TP63: variants seen among roughly 807,000 people sequenced by gnomAD.
TP63 encodes the protein tumor protein 63.
A neutral mutation model predicts 82.8 loss-of-function variants in TP63; 17 were observed. The ratio of observed to expected loss-of-function variants is 0.21; its 90% confidence interval spans 0.14 to 0.31. TP63 has a LOEUF of 0.31. Ranked by LOEUF, TP63 falls within the 10% of genes least tolerant of loss-of-function variation. The pLI is 1.00. For synonymous variants in TP63, 330 were observed against 321.7 expected, an observed-to-expected ratio of 1.03 and a Z score of -0.28; for missense variants, 648 against 895.3, an observed-to-expected ratio of 0.72 and a Z score of 3.52.
At chr3:189,644,259 C>G (rs571349826) in intron 1 of TP63, among the ~76,000 whole-genome samples, 35 of 150,820 alleles carry the variant, frequency 2.3e-4, no homozygotes, top group African/African-American at 7.8e-4. Flanking sequence ...TCTCATACCC[C>G]CAGCTTGCAC....
chr3:189,857,880 G>A (rs1485759570), intron 4 of TP63, among the ~76,000 whole-genome samples: 1 of 152,188 alleles, frequency 6.6e-6, no homozygotes, highest in Non-Finnish European at 1.5e-5. Context: ...CATACTTTCA[G>A]TGGGAATGTA....
At chr3:189,663,527 T>TTC (rs1486091334) in intron 1 of TP63, among the ~76,000 whole-genome samples, 1 of 133,268 alleles carries the variant, frequency 7.5e-6, no homozygotes, top group African/African-American at 2.8e-5. Context: ...CATTCTTTTT[T>TTC]TTTTTTTTTT....
Position 189,681,704 on chromosome 3 carries a change from C to T in TP63, c.62+50127C>T, listed in dbSNP as rs557823199. Among the ~76,000 whole-genome samples, 3 of 152,108 alleles carry T rather than the reference C, an allele frequency of 2.0e-5. No homozygotes were observed. In the South Asian group the frequency reaches 6.2e-4, roughly 32 times the overall value. On this transcript the variant is annotated intron_variant, in intron 1 of 13. Coordinates refer to ENST00000264731, the MANE Select transcript of TP63 (RefSeq NM_003722.5). ...TTCCTCCTCCTCCTTTTTTTCTACT[C>T]TCTCGCTGACTGCCTCTAAAAGTAA...
At chr3:189,660,434 G>C (rs1713772524) in intron 1 of TP63, among the ~76,000 whole-genome samples, 1 of 151,974 alleles carries the variant, frequency 6.6e-6, no homozygotes, top group Non-Finnish European at 1.5e-5. Context: ...GTACCATGCT[G>C]TTTTTGTTAC....
At chr3:189,706,803 G>A (rs76130555) in intron 1 of TP63, among the ~76,000 whole-genome samples, 3 of 152,284 alleles carry the variant, frequency 2.0e-5, no homozygotes, top group Admixed American at 6.5e-5. Flanking sequence ...TCACAGAGAC[G>A]ACTTGTAACA....
chr3:189,891,332 G>T (rs538294210), intron 13 of TP63, among the ~76,000 whole-genome samples: 3 of 152,294 alleles, frequency 2.0e-5, no homozygotes, highest in African/African-American at 7.2e-5. Flanking sequence ...ACAAAACTAG[G>T]AATAGAACAC....
intron 3 of TP63, among the ~76,000 whole-genome samples, chr3:189,780,886 C>T (rs776066607): frequency 1.4e-4 from 21 of 152,110 alleles, no homozygotes; most frequent in Non-Finnish European, 2.2e-4. Flanking sequence ...GTGTGTTTTC[C>T]GGATCATGTT....
In TP63 at chr3:189,895,792, T is replaced by C. The variant is rs1721422584; in HGVS notation, c.*1290T>C. 1 of 226,576 alleles carries C rather than the reference T, an allele frequency of 4.4e-6. No homozygotes were observed. The highest frequency in any genetic ancestry group is 8.8e-6 in the Non-Finnish European group (1 of 114,082). The allele number at this position is 226,576 out of a possible 1,614,324, so 14.0% of individuals were successfully genotyped here. ...ACCTTTCTCTCTCTAAGGTTTACAA[T>C]AGGAGTGGTGATTTGAAAAATATAA... On this transcript the variant is annotated 3_prime_UTR_variant, in exon 14 of 14. Transcript: ENST00000264731.
intron 1 of TP63, among the ~76,000 whole-genome samples, chr3:189,724,062 A>G (rs1719593891): frequency 7.0e-6 from 1 of 142,514 alleles, no homozygotes; most frequent in African/African-American, 2.6e-5. Context: ...TCCACTCCTC[A>G]CAGAGGTCAT....
chr3:189,622,736 C>T, the TP63 span, among the ~76,000 whole-genome samples: 8 of 152,280 alleles, frequency 5.3e-5, no homozygotes, highest in Non-Finnish European at 5.9e-5. Flanking sequence ...CAGGCCACAG[C>T]GGCTGATGGT....
At chr3:189,875,113 C>T (rs1357854064) in intron 10 of TP63, among the ~76,000 whole-genome samples, 1 of 151,398 alleles carries the variant, frequency 6.6e-6, no homozygotes, top group African/African-American at 2.4e-5. Flanking sequence ...TTTGCAACTA[C>T]TCAGCTCTGT....
intron 4 of TP63, among the ~76,000 whole-genome samples, chr3:189,824,217 T>C (rs1460981445): frequency 2.0e-5 from 3 of 151,732 alleles, no homozygotes. Context: ...ATTTTATTAT[T>C]ATTATTATTT....
intron 4 of TP63, among the ~76,000 whole-genome samples, chr3:189,845,539 T>C (rs1403120184): frequency 6.6e-6 from 1 of 152,116 alleles, no homozygotes; most frequent in Non-Finnish European, 1.5e-5. Flanking sequence ...TATTTTTCTC[T>C]CTTTTTTAAA....
chr3:189,747,848 G>C (rs1029392110), intron 3 of TP63, among the ~76,000 whole-genome samples: 2 of 98,524 alleles, frequency 2.0e-5, no homozygotes, highest in African/African-American at 8.1e-5. Flanking sequence ...GACTAACCCA[G>C]ATAAAAATAG....
chr3:189,657,425 A>G (rs1259553538), intron 1 of TP63, among the ~76,000 whole-genome samples: 1 of 152,116 alleles, frequency 6.6e-6, no homozygotes, highest in Non-Finnish European at 1.5e-5. Context: ...TAGTGAAACA[A>G]CCTCACTGAA....
At chr3:189,865,386 C>T (rs1396555381) in intron 5 of TP63, among the ~76,000 whole-genome samples, 1 of 152,200 alleles carries the variant, frequency 6.6e-6, no homozygotes, top group South Asian at 2.1e-4. Flanking sequence ...GATCCTACAA[C>T]AATTTAGCAG....
chr3:189,747,663 C>T (rs1340135235), intron 3 of TP63, among the ~76,000 whole-genome samples: 2 of 151,920 alleles, frequency 1.3e-5, no homozygotes, highest in South Asian at 2.1e-4. Flanking sequence ...TCCAACAATG[C>T]ACCTTAAGGA....
At chr3:189,744,938 G>C (rs1348766466) in intron 3 of TP63, among the ~76,000 whole-genome samples, 6 of 152,314 alleles carry the variant, frequency 3.9e-5, no homozygotes, top group Non-Finnish European at 7.3e-5. Context: ...CTAAAACCCA[G>C]CAAAATTCAC....
the TP63 span, among the ~76,000 whole-genome samples, chr3:189,608,750 C>T: frequency 1.3e-5 from 2 of 151,998 alleles, no homozygotes; most frequent in African/African-American, 2.4e-5. Flanking sequence ...ATTTATTACC[C>T]AAACACTAAG....
Sources: gnomAD v4.1 joint callset for allele counts (sites outside exome capture counted in the v4.1 genomes callset) on GRCh38, gnomAD v4.1.1 for gene constraint, MANE v1.5 for transcripts, NCBI Gene and HGNC (gene_info 2026-07-23, HGNC 2026-07-21) for gene names.